Variants in PVT1 observed in about 807,000 individuals in gnomAD.
PVT1 encodes Pvt1 oncogene.
intron 2 of PVT1, among the ~76,000 whole-genome samples, chr8:127,837,903 T>A (rs929748617): frequency 1.3e-5 from 2 of 152,040 alleles, no homozygotes; most frequent in Non-Finnish European, 2.9e-5. Flanking sequence ...TTATGATTTT[T>A]TTTTTTTTTT....
At chr8:128,030,271 A>C (rs2130069411) in intron 4 of PVT1, among the ~76,000 whole-genome samples, 1 of 152,340 alleles carries the variant, frequency 6.6e-6, no homozygotes, top group East Asian at 1.9e-4. Context: ...CATGCCTATT[A>C]TATTATGTAC....
In PVT1 at chr8:128,032,498, A is replaced by T. The variant is rs528591380; in HGVS notation, n.913-37662A>T. Among the ~76,000 whole-genome samples the T allele has an allele frequency of 2.0e-5, 3 of 152,200 alleles. No homozygotes were observed. In the South Asian group the frequency reaches 6.2e-4, roughly 31 times the overall value. On this transcript the variant is annotated intron_variant and non_coding_transcript_variant, in intron 4 of 10. Coordinates refer to ENST00000651587, the Ensembl canonical transcript of PVT1. ...TTAAGACCTTCATTTATTTCATTTC[A>T]TCTCATCAGTAGCCCTGGGATATGC...
At chr8:128,084,981 C>T (rs1037405272) in intron 5 of PVT1, among the ~76,000 whole-genome samples, 1 of 152,184 alleles carries the variant, frequency 6.6e-6, no homozygotes, top group Non-Finnish European at 1.5e-5. Context: ...GAACGAGGTT[C>T]CCATCTGTGG....
chr8:127,913,418 A>T (rs1020963635), intron 3 of PVT1, among the ~76,000 whole-genome samples: 1 of 152,152 alleles, frequency 6.6e-6, no homozygotes, highest in Non-Finnish European at 1.5e-5. Flanking sequence ...TTGGGAGGCC[A>T]TGGGGTGTTA....
intron 2 of PVT1, among the ~76,000 whole-genome samples, chr8:127,820,408 A>T (rs1281378341): frequency 6.6e-6 from 1 of 152,182 alleles, no homozygotes; most frequent in Non-Finnish European, 1.5e-5. Context: ...GAGTGGTTTA[A>T]ACTTCCAGAT....
intron 3 of PVT1, chr8:127,940,050 C>T (rs1816328952): frequency 6.6e-6 from 1 of 152,118 alleles, no homozygotes; most frequent in Non-Finnish European, 1.5e-5. Context: ...CAGTTGCCCT[C>T]ATGGGGAGGT....
chr8:127,944,456 G>A (rs989940791), intron 3 of PVT1, among the ~76,000 whole-genome samples: 1 of 152,080 alleles, frequency 6.6e-6, no homozygotes, highest in Non-Finnish European at 1.5e-5. Context: ...TGTAAAATGG[G>A]AACAATAAGA....
chr8:127,959,292 G>T (rs1816608554), intron 3 of PVT1, among the ~76,000 whole-genome samples: 1 of 152,140 alleles, frequency 6.6e-6, no homozygotes, highest in Non-Finnish European at 1.5e-5. Context: ...GGATATAAAA[G>T]TTAAAAGACC....
At chr8:128,059,012 C>T (rs1813798088) in intron 4 of PVT1, among the ~76,000 whole-genome samples, 1 of 152,092 alleles carries the variant, frequency 6.6e-6, no homozygotes, top group African/African-American at 2.4e-5. Flanking sequence ...TTGTGCAACA[C>T]ACATCTCAGA....
chr8:127,893,174 A>T (rs1815632658), intron 3 of PVT1, among the ~76,000 whole-genome samples: 1 of 152,220 alleles, frequency 6.6e-6, no homozygotes, highest in Non-Finnish European at 1.5e-5. Flanking sequence ...CATGCTGTCT[A>T]CAGGGCACAT....
chr8:127,920,967 A>T (rs1000437503), intron 3 of PVT1, among the ~76,000 whole-genome samples: 1 of 152,214 alleles, frequency 6.6e-6, no homozygotes, highest in African/African-American at 2.4e-5. Flanking sequence ...AAAAGATCCT[A>T]CCCTTTGATT....
intron 2 of PVT1, among the ~76,000 whole-genome samples, chr8:127,818,732 G>A (rs1266785220): frequency 6.6e-6 from 1 of 152,080 alleles, no homozygotes; most frequent in East Asian, 1.9e-4. Context: ...ACCCTCTAGA[G>A]CCTCCACGTC....
intron 3 of PVT1, among the ~76,000 whole-genome samples, chr8:127,961,729 A>G (rs1816645327): frequency 6.6e-6 from 1 of 152,248 alleles, no homozygotes; most frequent in Non-Finnish European, 1.5e-5. Context: ...TTGCCAGACT[A>G]AAAAGTGAAG....
intron 2 of PVT1, among the ~76,000 whole-genome samples, chr8:127,881,489 C>T (rs1399813436): frequency 4.7e-5 from 7 of 148,884 alleles, no homozygotes; most frequent in African/African-American, 7.4e-5. Context: ...TCACTCTTGT[C>T]GCCCAGGTTG....
intron 2 of PVT1, among the ~76,000 whole-genome samples, chr8:127,837,945 C>T (rs200362948): frequency 3.3e-5 from 5 of 151,408 alleles, no homozygotes; most frequent in African/African-American, 4.9e-5. Flanking sequence ...TTGCCCAGGC[C>T]GGAGTGCAGT....
chr8:128,039,881 A>T (rs1813510757), intron 4 of PVT1, among the ~76,000 whole-genome samples: 1 of 152,192 alleles, frequency 6.6e-6, no homozygotes, highest in South Asian at 2.1e-4. Context: ...ATATATCTCA[A>T]AGGTAGGATT....
chr8:128,029,008 A>G (rs1432368818), intron 4 of PVT1, among the ~76,000 whole-genome samples: 1 of 151,234 alleles, frequency 6.6e-6, no homozygotes, highest in African/African-American at 2.4e-5. Flanking sequence ...GCACCTGGCT[A>G]ATTTTTTTAT....
In PVT1 at chr8:128,086,004, T is replaced by C. The variant is rs1357274814; in HGVS notation, n.1115-10514T>C. Among the ~76,000 whole-genome samples, 5 of 152,354 alleles carry C rather than the reference T, an allele frequency of 3.3e-5. No individual in the cohort carries two copies. In the South Asian group the frequency reaches 8.3e-4, roughly 25 times the overall value. The stretch of plus-strand genomic sequence containing the variant: ...TGGTCCAGACAAAAAGTGCCTTCCT[T>C]GTCAGCCGTCGAATGGTTAGAATTC... On this transcript the variant is annotated intron_variant and non_coding_transcript_variant, in intron 5 of 10. Coordinates refer to ENST00000651587, the Ensembl canonical transcript of PVT1.
intron 4 of PVT1, among the ~76,000 whole-genome samples, chr8:128,055,012 C>G (rs971506751): frequency 6.6e-6 from 1 of 152,168 alleles, no homozygotes; most frequent in Non-Finnish European, 1.5e-5. Flanking sequence ...AGAAATTCTG[C>G]CTCCAGGATG....
Sources: allele counts gnomAD v4.1 joint callset (sites outside exome capture counted in the v4.1 genomes callset), GRCh38; gene constraint gnomAD v4.1.1; transcripts MANE v1.5; gene names NCBI Gene and HGNC (gene_info 2026-07-23, HGNC 2026-07-21).